The following NFIX variants were observed in gnomAD, a reference collection of about 807,000 sequenced individuals.
The protein encoded by NFIX is nuclear factor I X.
In NFIX, 2 loss-of-function variants were observed where a neutral mutation model predicts 53.3. That is an observed-to-expected ratio of 0.04 (90% confidence interval 0.02 to 0.12). NFIX has a LOEUF of 0.12. Among genes scored for constraint, NFIX ranks in the 10% least tolerant of loss-of-function variants. The pLI is 1.00. For synonymous variants in NFIX, 244 were observed against 289.0 expected, an observed-to-expected ratio of 0.84 and a Z score of 1.58; for missense variants, 310 against 674.5, an observed-to-expected ratio of 0.46 and a Z score of 5.99.
At chr19:13,033,565 G>C (rs941700779) in intron 2 of NFIX, among the ~76,000 whole-genome samples, 28 of 152,186 alleles carry the variant, frequency 1.8e-4, no homozygotes, top group Non-Finnish European at 2.6e-4. Context: ...AACTTAAGGG[G>C]CACCTGTTTG....
chr19:12,998,466 GA>G lies in NFIX; in HGVS notation c.27+2607del, dbSNP rs763325172. On this transcript the variant is annotated intron_variant, in intron 1 of 10. Coordinates refer to ENST00000592199, the MANE Select transcript of NFIX (RefSeq NM_001365902.3). This position sits in a 1 kb window ranked among gnomAD's most constrained non-coding sequence, Gnocchi z 4.4. Reference sequence around the variant, plus strand: ...TGTGGGCGAGGGGGAAGGGCGGGGGGAAAAATCTCCTTCTAGAAAAAGCATC... The same window carrying G: ...TGTGGGCGAGGGGGAAGGGCGGGGGGAAAATCTCCTTCTAGAAAAAGCATC... Among the ~76,000 whole-genome samples the G allele has an allele frequency of 1.3e-5, 2 of 152,008 alleles. No homozygotes were observed. The highest frequency in any genetic ancestry group is 2.1e-4 in the South Asian group (1 of 4,800).
chr19:13,047,259 C>T (rs1176979440), intron 2 of NFIX, among the ~76,000 whole-genome samples: 6 of 151,230 alleles, frequency 4.0e-5, no homozygotes, highest in Admixed American at 2.0e-4. Flanking sequence ...TAAAGTAGGA[C>T]GCCTTGTTGC....
rs1178015047 is a variant in NFIX, at chr19:12,998,825, C to G, written c.27+2961C>G. ...CACACACGCACCTCTTGAAATGGGA[C>G]ACGTATATTGGTGTAGGCTTAGCGA... is the stretch of plus-strand genomic sequence containing the variant. On this transcript the variant is annotated intron_variant, in intron 1 of 10. Coordinates refer to ENST00000592199, the MANE Select transcript of NFIX (RefSeq NM_001365902.3). This position sits in a 1 kb window ranked among gnomAD's most constrained non-coding sequence, Gnocchi z 4.4. 6.6e-6 allele frequency among the ~76,000 whole-genome samples: 1 copy of G among 152,148 alleles called. No individual in the cohort carries two copies. Among genetic ancestry groups the G allele is most frequent in the Non-Finnish European group, 1.5e-5 (1 of 68,030 alleles).
chr19:13,061,233 C>G (rs564784796), intron 2 of NFIX, among the ~76,000 whole-genome samples: 1 of 152,320 alleles, frequency 6.6e-6, no homozygotes, highest in African/African-American at 2.4e-5. Context: ...TATTCGCCCA[C>G]CCATTTCGCA....
intron 2 of NFIX, among the ~76,000 whole-genome samples, chr19:13,031,924 G>A (rs777554285): frequency 1.4e-4 from 21 of 152,220 alleles, no homozygotes; most frequent in South Asian, 4.1e-4. Context: ...AGGGAAGAAG[G>A]TGACTCCCTC....
intron 10 of NFIX, among the ~76,000 whole-genome samples, chr19:13,091,099 G>A (rs2018109621): frequency 6.6e-6 from 1 of 152,190 alleles, no homozygotes; most frequent in Non-Finnish European, 1.5e-5. Context: ...TGCCCTTGGG[G>A]GCACAGGGAA....
At position 13,006,688 on chromosome 19, in the gene NFIX, C is replaced by T. The variant is rs1254293125; in HGVS notation, c.27+10824C>T. On this transcript the variant is annotated intron_variant, in intron 1 of 10. Coordinates refer to ENST00000592199, the MANE Select transcript of NFIX (RefSeq NM_001365902.3). The surrounding 1 kb of genome is among the most constrained non-coding windows in gnomAD (Gnocchi z 5.6). ...TCTTTGCAGGGTCTTGGGGATCTGCCCACAGCTTGGGGGTATCAGGCTTTG... is the reference window on the plus strand; with the variant it reads ...TCTTTGCAGGGTCTTGGGGATCTGCTCACAGCTTGGGGGTATCAGGCTTTG... Among the ~76,000 whole-genome samples the T allele has an allele frequency of 6.6e-6, 1 of 152,194 alleles. No homozygotes were observed. Among genetic ancestry groups the T allele is most frequent in the Admixed American group, 6.5e-5 (1 of 15,282 alleles).
intron 8 of NFIX, among the ~76,000 whole-genome samples, chr19:13,085,069 CAAAAAAAAAAA>C (rs555726363): frequency 1.8e-5 from 1 of 54,946 alleles, no homozygotes; most frequent in African/African-American, 6.4e-5. Context: ...GACTCCATCT[CAAAAAAAAAAA>C]AAAAAAAAAA....
Position 13,081,125 on chromosome 19 carries a change from T to G in NFIX, c.1079-555T>G, listed in dbSNP as rs532220508. 2.5e-4 allele frequency among the ~76,000 whole-genome samples: 37 copies of G among 149,022 alleles called. No individual in the cohort carries two copies. The highest frequency in any genetic ancestry group is 8.7e-4 in the African/African-American group (35 of 40,326). ...GATTAACCAGGACAATATGGCAAAA[T>G]CTCATCTCTAGAAAAAAAAAAAAGC... On this transcript the variant is annotated intron_variant, in intron 7 of 10. Coordinates refer to ENST00000592199, the MANE Select transcript of NFIX (RefSeq NM_001365902.3). This position sits in a 1 kb window ranked among gnomAD's most constrained non-coding sequence, Gnocchi z 4.7.
chr19:13,080,925 G>C (rs1049850221), intron 7 of NFIX, among the ~76,000 whole-genome samples: 1 of 151,910 alleles, frequency 6.6e-6, no homozygotes, highest in Non-Finnish European at 1.5e-5. Flanking sequence ...GCGTGAACCC[G>C]GGAGGCAGAG....
chr19:13,023,802 C>T (rs1421574327), intron 1 of NFIX, among the ~76,000 whole-genome samples: 3 of 150,848 alleles, frequency 2.0e-5, no homozygotes, highest in African/African-American at 7.3e-5. Context: ...TATTAATTTC[C>T]CCCTTCTGTG....
chr19:13,055,365 C>T (rs1009245519), intron 2 of NFIX, among the ~76,000 whole-genome samples: 1 of 152,198 alleles, frequency 6.6e-6, no homozygotes, highest in African/African-American at 2.4e-5. Flanking sequence ...CCCACTCTCC[C>T]GCAGGGTGAG....
intron 8 of NFIX, among the ~76,000 whole-genome samples, chr19:13,086,599 G>T (rs1781053523): frequency 6.6e-6 from 1 of 152,142 alleles, no homozygotes; most frequent in Non-Finnish European, 1.5e-5. Context: ...GAGCATCCTG[G>T]CCTCCACCCA....
intron 2 of NFIX, among the ~76,000 whole-genome samples, chr19:13,054,785 G>A (rs2015545832): frequency 1.3e-5 from 2 of 152,074 alleles, no homozygotes; most frequent in African/African-American, 4.8e-5. Context: ...GGCGGGGGTA[G>A]GGGGACCAAG....
intron 2 of NFIX, among the ~76,000 whole-genome samples, chr19:13,031,071 C>G (rs1019616185): frequency 6.6e-6 from 1 of 152,204 alleles, no homozygotes; most frequent in Non-Finnish European, 1.5e-5. Context: ...AAGAGGAGAA[C>G]AGAAATGCCC....
At chr19:13,048,816 T>TA (rs1336275231) in intron 2 of NFIX, among the ~76,000 whole-genome samples, 1 of 152,252 alleles carries the variant, frequency 6.6e-6, no homozygotes, top group Non-Finnish European at 1.5e-5. Flanking sequence ...CTCATGCCTA[T>TA]AATCCCAACA....
At position 13,022,856 on chromosome 19, in the gene NFIX, AC is replaced by A. The variant is rs1291524133; in HGVS notation, c.28-2162del. Among the ~76,000 whole-genome samples the A allele has an allele frequency of 6.7e-6, 1 of 149,700 alleles. No individual in the cohort carries two copies. Among genetic ancestry groups the A allele is most frequent in the East Asian group, 2.0e-4 (1 of 4,892 alleles). On this transcript the variant is annotated intron_variant, in intron 1 of 10. Coordinates refer to ENST00000592199, the MANE Select transcript of NFIX (RefSeq NM_001365902.3). This position sits in a 1 kb window ranked among gnomAD's most constrained non-coding sequence, Gnocchi z 4.5. ...TTGCTGGGTGGCTGCTGCCAAATGG[AC>A]CCGAGTGGGAGCCTGGAATGAAAAA...
intron 2 of NFIX, among the ~76,000 whole-genome samples, chr19:13,055,723 A>G (rs1305817234): frequency 4.6e-5 from 7 of 152,104 alleles, no homozygotes; most frequent in Admixed American, 1.3e-4. Context: ...GTGTCGCGTG[A>G]GGCCAGCCCT....
chr19:13,079,226 G>C (rs1234546850), intron 7 of NFIX, among the ~76,000 whole-genome samples: 2 of 152,240 alleles, frequency 1.3e-5, no homozygotes, highest in Non-Finnish European at 2.9e-5. Flanking sequence ...CCTGCGGCAA[G>C]TAGCTACCTT....
Sources: allele counts gnomAD v4.1 joint callset (sites outside exome capture counted in the v4.1 genomes callset), GRCh38; gene constraint gnomAD v4.1.1; non-coding constraint Gnocchi (gnomAD v3.1); transcripts MANE v1.5; gene names NCBI Gene and HGNC (gene_info 2026-07-23, HGNC 2026-07-21).